Variants in MYO3B observed in about 807,000 individuals in gnomAD.
The protein encoded by MYO3B is myosin-IIIb.
MYO3B carries 156 observed loss-of-function variants against 174.6 expected under a neutral mutation model. The observed-to-expected ratio is 0.89, with a 90% confidence interval of 0.78 to 1.02. The LOEUF (loss-of-function observed/expected upper bound fraction) is 1.02. MYO3B is among the 50% of genes least tolerant of loss of function. MYO3B has a pLI of 0.00. For missense variants in MYO3B, 1,632 were observed against 1,639.4 expected (o/e 1.00, Z 0.08); for synonymous variants, 563 against 569.1 (o/e 0.99, Z 0.15).
chr2:170,385,131 A>G (rs1208944130), intron 12 of MYO3B, among the ~76,000 whole-genome samples: 1 of 152,172 alleles, frequency 6.6e-6, no homozygotes, highest in African/African-American at 2.4e-5. Flanking sequence ...GGAAGGGGGC[A>G]TGGCACACAG....
chr2:170,571,526 G>A (rs1485620252), intron 32 of MYO3B, among the ~76,000 whole-genome samples: 1 of 152,174 alleles, frequency 6.6e-6, no homozygotes, highest in Non-Finnish European at 1.5e-5. Flanking sequence ...TCTGAATGTT[G>A]TGGAGAACCA....
chr2:170,464,253 G>A (rs1348104186), intron 24 of MYO3B, among the ~76,000 whole-genome samples: 1 of 151,504 alleles, frequency 6.6e-6, no homozygotes, highest in Non-Finnish European at 1.5e-5. Flanking sequence ...GGAGGCTGAG[G>A]CAGGAGAATC....
chr2:170,447,014 C>A (rs1261457689), intron 23 of MYO3B, among the ~76,000 whole-genome samples: 1 of 152,116 alleles, frequency 6.6e-6, no homozygotes, highest in African/African-American at 2.4e-5. Flanking sequence ...CATTCCTTAC[C>A]TCTGGGTATT....
At chr2:170,467,182 A>G (rs1684695261) in intron 25 of MYO3B, among the ~76,000 whole-genome samples, 1 of 152,192 alleles carries the variant, frequency 6.6e-6, no homozygotes. Flanking sequence ...TCCATAGAAC[A>G]ACCCTATAAG....
At chr2:170,441,027 C>T (rs2094797195) in intron 22 of MYO3B, among the ~76,000 whole-genome samples, 1 of 151,980 alleles carries the variant, frequency 6.6e-6, no homozygotes, top group African/African-American at 2.4e-5. Context: ...GTCTCCAACT[C>T]CTGACCTTGT....
chr2:170,297,692 A>G (rs541186069), intron 7 of MYO3B, among the ~76,000 whole-genome samples: 3 of 152,306 alleles, frequency 2.0e-5, no homozygotes, highest in South Asian at 2.1e-4. Context: ...TGGTTTGTGT[A>G]TAGAAATAGT....
chr2:170,323,248 C>A (rs79449444), intron 7 of MYO3B, among the ~76,000 whole-genome samples: 2 of 152,122 alleles, frequency 1.3e-5, no homozygotes, highest in Non-Finnish European at 2.9e-5. Flanking sequence ...ACAGAAAACA[C>A]GTAAAACTCA....
chr2:170,424,758 A>G (rs975636448), intron 22 of MYO3B, among the ~76,000 whole-genome samples: 21 of 152,200 alleles, frequency 1.4e-4, no homozygotes, highest in Non-Finnish European at 1.5e-5. Flanking sequence ...GTCCTGAATA[A>G]GACAGTGAAT....
chr2:170,549,506 C>A (rs1690745972), intron 32 of MYO3B, among the ~76,000 whole-genome samples: 1 of 152,122 alleles, frequency 6.6e-6, no homozygotes, highest in African/African-American at 2.4e-5. Flanking sequence ...TCTTTAATGC[C>A]ATCTACTTCA....
intron 7 of MYO3B, among the ~76,000 whole-genome samples, chr2:170,247,861 C>T (rs759021073): frequency 1.3e-5 from 2 of 152,200 alleles, no homozygotes; most frequent in South Asian, 2.1e-4. Flanking sequence ...GATTAGATTT[C>T]AACCTATGAA....
At chr2:170,601,409 G>A (rs973871747) in intron 32 of MYO3B, among the ~76,000 whole-genome samples, 2 of 152,126 alleles carry the variant, frequency 1.3e-5, no homozygotes, top group African/African-American at 2.4e-5. Flanking sequence ...CAAGGTTAGT[G>A]GCTATTGAAA....
chr2:170,313,372 A>G (rs367600864), intron 7 of MYO3B, among the ~76,000 whole-genome samples: 32 of 152,326 alleles, frequency 2.1e-4, no homozygotes, highest in African/African-American at 7.0e-4. Flanking sequence ...CCCCATATAC[A>G]TACTAAAAAA....
intron 6 of MYO3B, among the ~76,000 whole-genome samples, chr2:170,222,693 A>C (rs35522848): frequency 6.6e-6 from 1 of 152,026 alleles, no homozygotes; most frequent in Non-Finnish European, 1.5e-5. Flanking sequence ...AACTAATTGT[A>C]TATACAGTGA....
chr2:170,628,592 G>A lies in MYO3B; in HGVS notation c.3734-23036G>A, dbSNP rs1231482040. 5.9e-5 allele frequency among the ~76,000 whole-genome samples: 9 copies of A among 152,282 alleles called. No homozygotes were observed. The East Asian group carries it at 1.5e-3, about 26-fold the overall frequency. On this transcript the variant is annotated intron_variant, in intron 32 of 34. Transcript: ENST00000408978. ...TGAGATGAACCCGGTACCTCAGTTG[G>A]AAATGCAGAAATCACCCGTCTTCTG...
chr2:170,550,317 T>C (rs946235110), intron 32 of MYO3B, among the ~76,000 whole-genome samples: 1 of 152,216 alleles, frequency 6.6e-6, no homozygotes, highest in Non-Finnish European at 1.5e-5. Flanking sequence ...TGAAGGGATC[T>C]TTTTAGACAA....
intron 1 of MYO3B, among the ~76,000 whole-genome samples, chr2:170,193,562 C>A (rs1357799165): frequency 2.0e-5 from 3 of 152,056 alleles, no homozygotes; most frequent in Non-Finnish European, 2.9e-5. Context: ...TCACCACCAC[C>A]TCCACTCGTC....
At chr2:170,369,506 G>A in intron 9 of MYO3B, 129 bp downstream of exon 9, 3 of 1,035,916 alleles carry the variant, frequency 2.9e-6, no homozygotes, top group Non-Finnish European at 4.1e-6. Context: ...TTATTTACAT[G>A]ACATTAAGTA....
At chr2:170,575,764 C>T (rs182261002) in intron 32 of MYO3B, among the ~76,000 whole-genome samples, 105 of 152,252 alleles carry the variant, frequency 6.9e-4, no homozygotes, top group Admixed American at 2.0e-3. Context: ...AATATTTCCT[C>T]TAATACATAT....
At chr2:170,577,331 G>A (rs958634217) in intron 32 of MYO3B, among the ~76,000 whole-genome samples, 1 of 152,196 alleles carries the variant, frequency 6.6e-6, no homozygotes. Flanking sequence ...GACAAAATCT[G>A]TAGCTGGTTC....
Sources: allele counts gnomAD v4.1 joint callset (sites outside exome capture counted in the v4.1 genomes callset), GRCh38; gene constraint gnomAD v4.1.1; transcripts MANE v1.5; gene names NCBI Gene and HGNC (gene_info 2026-07-23, HGNC 2026-07-21).